VWA3B: variants seen among roughly 807,000 people sequenced by gnomAD.
VWA3B encodes the protein von Willebrand factor A domain-containing protein 3B.
Under a neutral mutation model 158.3 loss-of-function variants are expected in VWA3B, and 138 were observed. The observed-to-expected ratio is 0.87, with a 90% CI of 0.76 to 1.00. The LOEUF is 1.00. Ranked by LOEUF, VWA3B falls within the 50% of genes least tolerant of loss-of-function variation. VWA3B has a pLI of 0.00. For missense variants in VWA3B, 1,555 were observed against 1,565.1 expected (o/e 0.99, Z 0.11); for synonymous variants, 596 against 587.3 (o/e 1.01, Z -0.21).
At chr2:98,137,652 A>G (rs1676390693) in intron 7 of VWA3B, among the ~76,000 whole-genome samples, 1 of 152,170 alleles carries the variant, frequency 6.6e-6, no homozygotes, top group African/African-American at 2.4e-5. Context: ...ATATTGAACA[A>G]TTAAAAAGTG....
chr2:98,264,353 T>A (rs1687663003), intron 21 of VWA3B, among the ~76,000 whole-genome samples: 1 of 152,104 alleles, frequency 6.6e-6, no homozygotes, highest in Non-Finnish European at 1.5e-5. Context: ...AAAATGTGTT[T>A]ACCACTATAA....
chr2:98,158,870 C>T (rs181593343), intron 7 of VWA3B, among the ~76,000 whole-genome samples: 2 of 152,232 alleles, frequency 1.3e-5, no homozygotes, highest in East Asian at 1.9e-4. Flanking sequence ...GAGCTTTGAA[C>T]CCTGACCTCA....
chr2:98,284,864 C>T (rs928459171), intron 22 of VWA3B, among the ~76,000 whole-genome samples: 21 of 152,002 alleles, frequency 1.4e-4, no homozygotes, highest in Non-Finnish European at 2.2e-4. Flanking sequence ...TGGAAAATCC[C>T]CAGTTTCGGC....
chr2:98,271,662 T>C (rs973594548), intron 22 of VWA3B, among the ~76,000 whole-genome samples: 16 of 152,250 alleles, frequency 1.1e-4, no homozygotes, highest in African/African-American at 3.9e-4. Flanking sequence ...TAAACATTTA[T>C]AGTTATTTTC....
At chr2:98,195,331 G>A (rs142177502) in intron 12 of VWA3B, among the ~76,000 whole-genome samples, 178 of 152,296 alleles carry the variant, frequency 1.2e-3, no homozygotes, top group Non-Finnish European at 1.8e-3. Flanking sequence ...AAGTAGTTTA[G>A]TGTCTAGTTT....
At chr2:98,276,074 C>T (rs1179503634) in intron 22 of VWA3B, among the ~76,000 whole-genome samples, 1 of 152,150 alleles carries the variant, frequency 6.6e-6, no homozygotes, top group Non-Finnish European at 1.5e-5. Flanking sequence ...CGAAAGCCAC[C>T]CTTGTCTGTT....
intron 21 of VWA3B, among the ~76,000 whole-genome samples, chr2:98,265,650 A>C (rs555595496): frequency 7.4e-5 from 11 of 147,776 alleles, no homozygotes; most frequent in East Asian, 4.0e-4. Flanking sequence ...ACTAGTTTAC[A>C]GTCCCACCAA....
chr2:98,149,498 C>A (rs1030253798), intron 7 of VWA3B, among the ~76,000 whole-genome samples: 5 of 152,212 alleles, frequency 3.3e-5, no homozygotes, highest in African/African-American at 1.2e-4. Flanking sequence ...TAGTGGCCTG[C>A]AGTCAGTCTG....
chr2:98,126,594 T>C (rs918490705), intron 5 of VWA3B, among the ~76,000 whole-genome samples: 3 of 152,250 alleles, frequency 2.0e-5, no homozygotes, highest in African/African-American at 7.2e-5. Flanking sequence ...ACGCATCTGC[T>C]GGAAGAGCAG....
intron 7 of VWA3B, among the ~76,000 whole-genome samples, chr2:98,152,106 G>GT (rs1272304759): frequency 6.6e-6 from 1 of 152,222 alleles, no homozygotes; most frequent in East Asian, 1.9e-4. Flanking sequence ...GATCCTAGGA[G>GT]TAGGCCGCAG....
Position 98,192,825 on chromosome 2 carries a change from G to A in VWA3B, c.1467-73G>A, listed in dbSNP as rs7557100. ...CAGCTCTGTCCTCTGCAGATGCATC[G>A]TTAAGTTCTTGGGAAGATGCTCTTG... is the stretch of plus-strand genomic sequence containing the variant. On this transcript the variant is annotated intron_variant, in intron 10 of 27. Coordinates refer to ENST00000477737, the MANE Select transcript of VWA3B (RefSeq NM_144992.5). 5.9e-3 allele frequency: 9,438 copies of A among 1,602,582 alleles called. 462 individuals are homozygous for A. The African/African-American group carries it at 0.11, about 19-fold the overall frequency.
At chr2:98,104,603 C>A (rs908412460) in intron 2 of VWA3B, among the ~76,000 whole-genome samples, 1 of 152,180 alleles carries the variant, frequency 6.6e-6, no homozygotes, top group African/African-American at 2.4e-5. Context: ...GTTTAGAGGT[C>A]AAATATCCAA....
chr2:98,224,760 A>AG (rs1684780748), intron 14 of VWA3B, among the ~76,000 whole-genome samples: 1 of 151,724 alleles, frequency 6.6e-6, no homozygotes, highest in Admixed American at 6.6e-5. Flanking sequence ...AATTAAAAAA[A>AG]AAAAAAGAAC....
In VWA3B at chr2:98,136,531, C is replaced by T. The variant is rs577595867; in HGVS notation, c.988+2592C>T. 5.9e-4 allele frequency among the ~76,000 whole-genome samples: 89 copies of T among 151,368 alleles called. 1 individual carries two copies. The highest frequency in any genetic ancestry group is 1.1e-3 in the Admixed American group (17 of 15,204). Reference sequence around the variant, plus strand: ...GTGAAGGCTCACTCTGCTTCCAAGACGGTGCCTTGCTGCTGTATCTTTGGG... The same window carrying T: ...GTGAAGGCTCACTCTGCTTCCAAGATGGTGCCTTGCTGCTGTATCTTTGGG... On this transcript the variant is annotated intron_variant, in intron 7 of 27. Coordinates refer to ENST00000477737, the MANE Select transcript of VWA3B (RefSeq NM_144992.5).
chr2:98,157,696 A>G (rs932274070), intron 7 of VWA3B, among the ~76,000 whole-genome samples: 2 of 152,216 alleles, frequency 1.3e-5, no homozygotes, highest in Admixed American at 6.5e-5. Flanking sequence ...GCATGACTGA[A>G]TAGGAGTTTG....
intron 17 of VWA3B, among the ~76,000 whole-genome samples, chr2:98,235,629 T>C (rs923581827): frequency 6.6e-6 from 1 of 152,338 alleles, no homozygotes; most frequent in Non-Finnish European, 1.5e-5. Context: ...TTCCACCATA[T>C]TGGTCAGGCT....
At chr2:98,320,256 C>T in the VWA3B span, among the ~76,000 whole-genome samples, 3 of 152,128 alleles carry the variant, frequency 2.0e-5, no homozygotes, top group Non-Finnish European at 4.4e-5. Context: ...TACCTTCCAC[C>T]GTGATTGTGA....
At chr2:98,207,730 G>T in intron 12 of VWA3B, 1 of 381,576 alleles carries the variant, frequency 2.6e-6, no homozygotes, top group Non-Finnish European at 5.1e-6. Context: ...AGCACTTATT[G>T]TGAGGGGTCT....
chr2:98,273,863 G>A (rs532474798), intron 22 of VWA3B, among the ~76,000 whole-genome samples: 4 of 152,126 alleles, frequency 2.6e-5, no homozygotes, highest in South Asian at 2.1e-4. Flanking sequence ...GAAGTGTTGC[G>A]AATGGAGTGA....
Sources: gnomAD v4.1 joint callset for allele counts (sites outside exome capture counted in the v4.1 genomes callset) on GRCh38, gnomAD v4.1.1 for gene constraint, MANE v1.5 for transcripts, NCBI Gene and HGNC (gene_info 2026-07-23, HGNC 2026-07-21) for gene names.